Variants in YJU2 observed in about 807,000 individuals in gnomAD.
YJU2 encodes splicing factor YJU2.
A neutral mutation model predicts 39.6 loss-of-function variants in YJU2; 28 were observed. The observed-to-expected ratio is 0.71, with a 90% confidence interval of 0.52 to 0.97. The LOEUF is 0.97. Ranked by LOEUF, YJU2 falls within the 50% of genes least tolerant of loss-of-function variation. The pLI is 0.00. For synonymous variants in YJU2, 184 were observed against 182.4 expected (o/e 1.01, Z -0.07); for missense variants, 328 against 430.4 (o/e 0.76, Z 2.11).
rs145195550 is a variant in YJU2 at position 4,258,472 on chromosome 19, G to A, written c.587+49G>A. On this transcript the variant is annotated intron_variant, in intron 5 of 7. Coordinates refer to ENST00000262962, the MANE Select transcript of YJU2 (RefSeq NM_018074.6). Reference sequence around the variant, plus strand: ...AGCCCCACCTCGCAGCCTCTGCCCCGGCAGGCGCTGCCTCTGCCCCAGACC... The same window carrying A: ...AGCCCCACCTCGCAGCCTCTGCCCCAGCAGGCGCTGCCTCTGCCCCAGACC... The A allele has an allele frequency of 1.9e-3, 2,969 of 1,534,870 alleles. 58 individuals carry two copies. In the African/African-American group the frequency reaches 0.037, roughly 19 times the overall value.
Position 4,266,978 on chromosome 19 carries a change from T to G in YJU2, c.709-646T>G, listed in dbSNP as rs1226708754. Among the ~76,000 whole-genome samples the G allele has an allele frequency of 2.6e-5, 4 of 152,124 alleles. No homozygotes were observed. In the East Asian group the frequency reaches 7.7e-4, roughly 29 times the overall value. ...TGAGACCTTCCCCCCAAAAAAATTT[T>G]TTTAATAATATAGATTAAAGGGTCC... On this transcript the variant is annotated intron_variant, in intron 6 of 7. Coordinates refer to ENST00000262962, the MANE Select transcript of YJU2 (RefSeq NM_018074.6).
chr19:4,258,728 C>T (rs1568362536), intron 5 of YJU2, among the ~76,000 whole-genome samples: 1 of 152,218 alleles, frequency 6.6e-6, no homozygotes, highest in Non-Finnish European at 1.5e-5. Context: ...CAGATCCTCT[C>T]CTGGTGGAGC....
intron 4 of YJU2, among the ~76,000 whole-genome samples, chr19:4,254,851 T>A (rs1971006716): frequency 1.3e-5 from 2 of 151,330 alleles, no homozygotes; most frequent in East Asian, 3.9e-4. Context: ...AGGTCAGGAG[T>A]TTGAGACCAG....
Position 4,268,835 on chromosome 19 carries a change from C to G in YJU2, c.*139C>G. On this transcript the variant is annotated 3_prime_UTR_variant, in exon 8 of 8. Transcript: ENST00000262962. ...AGACAAGCGCCAGCGTGCTCCAACACATAGGGCCACCAGGGGCCTCAGCCC... is the reference window on the plus strand; with the variant it reads ...AGACAAGCGCCAGCGTGCTCCAACAGATAGGGCCACCAGGGGCCTCAGCCC... 1 of 641,598 alleles carries G rather than the reference C, an allele frequency of 1.6e-6. No individual in the cohort carries two copies. The highest frequency in any genetic ancestry group is 2.7e-6 in the Non-Finnish European group (1 of 366,528). The allele number at this position is 641,598 out of a possible 1,614,324, so 39.7% of individuals were successfully genotyped here. A position where few individuals can be genotyped will look rare whatever the true frequency, so the allele number is the denominator to read the frequency against.
intron 1 of YJU2, among the ~76,000 whole-genome samples, chr19:4,247,557 T>TGGGG (rs1970930206): frequency 1.2e-5 from 1 of 81,184 alleles, no homozygotes; most frequent in Non-Finnish European, 2.1e-5. Flanking sequence ...ATCGTGTACT[T>TGGGG]TGGGTGGGGT....
At position 4,261,945 on chromosome 19, in the gene YJU2, A is replaced by T. The variant is rs199821931; in HGVS notation, c.588-49A>T. On this transcript the variant is annotated intron_variant, in intron 5 of 7. Coordinates refer to ENST00000262962, the MANE Select transcript of YJU2 (RefSeq NM_018074.6). ...CCACCCCAGCAGGTACATCCCAGGC[A>T]CTGTTCCCCAAACAGAGCACGTCCA... The T allele has an allele frequency of 3.6e-5, 57 of 1,594,756 alleles. No homozygotes were observed. The East Asian group carries it at 1.2e-3, about 34-fold the overall frequency.
chr19:4,268,695 G>C lies in YJU2; in HGVS notation c.971G>C (p.Ter324SerextTer?). Reference sequence around the variant, plus strand: ...AGTGACGACAGCAACGGCAGCAACTGAGCCCTCCCAGGACCCCCTCACGGG... The same window carrying C: ...AGTGACGACAGCAACGGCAGCAACTCAGCCCTCCCAGGACCCCCTCACGGG... ...LDSDDSNGSN[*>S] The change falls in exon 8 of 8, where the codon TGA becomes TCA. Residue 324 changes from the stop codon to serine, a stop_lost. Transcript: ENST00000262962. The C allele has an allele frequency of 1.2e-6, 2 of 1,610,558 alleles. No homozygotes were observed. The highest frequency in any genetic ancestry group is 1.7e-6 in the Non-Finnish European group (2 of 1,177,356).
chr19:4,257,545 T>C (rs1971031227), intron 4 of YJU2, among the ~76,000 whole-genome samples: 1 of 151,808 alleles, frequency 6.6e-6, no homozygotes, highest in Non-Finnish European at 1.5e-5. Context: ...GCAATCTTGG[T>C]TCACTGCAAC....
At chr19:4,262,700 G>A (rs1971082013) in intron 6 of YJU2, among the ~76,000 whole-genome samples, 1 of 151,926 alleles carries the variant, frequency 6.6e-6, no homozygotes, top group Non-Finnish European at 1.5e-5. Context: ...CTTGAGGCCG[G>A]GAGTTTGAGA....
chr19:4,260,475 G>A lies in YJU2; in HGVS notation c.588-1519G>A, dbSNP rs558839282. Among the ~76,000 whole-genome samples the A allele has an allele frequency of 1.3e-4, 19 of 147,120 alleles. No homozygotes were observed. The South Asian group carries it at 3.7e-3, about 29-fold the overall frequency. ...AGACTAGGTGCGGTCGGTGGCTCAC[G>A]CCCGTAATCCCAGCACTTTGGGAGG... is the stretch of plus-strand genomic sequence containing the variant. On this transcript the variant is annotated intron_variant, in intron 5 of 7. Coordinates refer to ENST00000262962, the MANE Select transcript of YJU2 (RefSeq NM_018074.6).
chr19:4,268,181 G>A (rs1971132566), intron 7 of YJU2, among the ~76,000 whole-genome samples: 1 of 152,066 alleles, frequency 6.6e-6, no homozygotes, highest in African/African-American at 2.4e-5. Context: ...CCGACCTCAG[G>A]TGATCCACTC....
At position 4,247,653 on chromosome 19, in the gene YJU2, GT is replaced by G. The variant is rs1568359685; in HGVS notation, c.24+484del. 2.1e-3 allele frequency among the ~76,000 whole-genome samples: 155 copies of G among 72,646 alleles called. 12 individuals carry two copies. Among genetic ancestry groups the G allele is most frequent in the Admixed American group, 4.6e-3 (33 of 7,196 alleles). The allele number at this position is 72,646 out of a possible 152,430, so 47.7% of individuals were successfully genotyped here. Reference sequence around the variant, plus strand: ...TGTGTGTGTGTGTGTGTGTGTGTGTGTGTGTGTGTGTGTGTGTGTGTGTGTG... The same window carrying G: ...TGTGTGTGTGTGTGTGTGTGTGTGTGGTGTGTGTGTGTGTGTGTGTGTGTG... On this transcript the variant is annotated intron_variant, in intron 1 of 7. Transcript: ENST00000262962.
intron 6 of YJU2, among the ~76,000 whole-genome samples, chr19:4,263,870 C>T (rs1971092830): frequency 4.7e-5 from 7 of 149,996 alleles, no homozygotes; most frequent in Admixed American, 4.0e-4. Flanking sequence ...TTTTCCACCA[C>T]AGCTGACTCA....
At chr19:4,253,193 G>A (rs900272560) in intron 3 of YJU2, among the ~76,000 whole-genome samples, 62 of 122,476 alleles carry the variant, frequency 5.1e-4, no homozygotes, top group African/African-American at 2.2e-3. Context: ...GACCCTGTCC[G>A]TGTCTACACA....
rs1971125879 is a variant in YJU2 at position 4,267,623 on chromosome 19, G to A, written c.709-1G>A. On this transcript the variant is annotated splice_acceptor_variant, in intron 6 of 7. Transcript: ENST00000262962. LOFTEE classifies it high-confidence loss of function. ...CCCACATGTGTCCCCATCACCTGCA[G>A]GCCCCAAAGCCCAAGAGGAAGGTGG... The A allele has an allele frequency of 6.2e-7, 1 of 1,611,752 alleles. No homozygotes were observed. Among genetic ancestry groups the A allele is most frequent in the African/African-American group, 1.3e-5 (1 of 74,880 alleles).
chr19:4,253,025 C>T (rs1970989913), intron 3 of YJU2, among the ~76,000 whole-genome samples: 1 of 152,002 alleles, frequency 6.6e-6, no homozygotes, highest in South Asian at 2.1e-4. Flanking sequence ...CACCAACTTC[C>T]CCGAATATTA....
chr19:4,251,453 C>T lies in YJU2; in HGVS notation c.270+282C>T, dbSNP rs539001626. On this transcript the variant is annotated intron_variant, in intron 3 of 7. Coordinates refer to ENST00000262962, the MANE Select transcript of YJU2 (RefSeq NM_018074.6). ...CCTGTACTCCCAGCACTTTGGGCGG[C>T]CAAGGCGGGCAGATCACCTGAGGTC... Among the ~76,000 whole-genome samples, 3 of 152,266 alleles carry T rather than the reference C, an allele frequency of 2.0e-5. No individual in the cohort carries two copies. The East Asian group carries it at 5.8e-4, about 29-fold the overall frequency.
intron 6 of YJU2, 102 bp downstream of exon 6, chr19:4,262,216 T>G: frequency 7.8e-7 from 1 of 1,289,558 alleles, no homozygotes; most frequent in Non-Finnish European, 1.1e-6. Flanking sequence ...TTTTGTTTTT[T>G]GAGACGGAGT....
At chr19:4,250,931 C>T (rs1374125342) in intron 2 of YJU2, 96 bp from the exon 3 acceptor site, 4 of 1,408,984 alleles carry the variant, frequency 2.8e-6, no homozygotes, top group Admixed American at 2.0e-5. Context: ...TTGCTGGAGG[C>T]AAGCAAGCAG....
Sources: allele counts gnomAD v4.1 joint callset (sites outside exome capture counted in the v4.1 genomes callset), GRCh38; gene constraint gnomAD v4.1.1; transcripts MANE v1.5; gene names NCBI Gene and HGNC (gene_info 2026-07-23, HGNC 2026-07-21).